Variants in CNBD1 observed in about 807,000 individuals in gnomAD.
CNBD1 encodes cyclic nucleotide binding domain containing 1, also known as cyclic nucleotide-binding domain-containing protein 1.
A neutral mutation model predicts 54.4 loss-of-function variants in CNBD1; 71 were observed. The ratio of observed to expected loss-of-function variants is 1.30; its 90% CI spans 1.08 to 1.59. The LOEUF (loss-of-function observed/expected upper bound fraction) is 1.59. Ranked by LOEUF, CNBD1 falls within the 40% of genes most tolerant of loss-of-function variation. The pLI is 0.00. For synonymous variants in CNBD1, 182 were observed against 170.7 expected (o/e 1.07, Z -0.51); for missense variants, 659 against 518.0 (o/e 1.27, Z -2.64).
rs1471814861 is a variant in CNBD1 at position 87,156,015 on chromosome 8, C to T, written c.432-49978C>T. The stretch of plus-strand genomic sequence containing the variant: ...GGGAAAACAGACGGACTAGAAATGG[C>T]ATCCTAGGAACACTAACATTTACGG... On this transcript the variant is annotated intron_variant, in intron 4 of 10. Transcript: ENST00000518476. 4.6e-5 allele frequency among the ~76,000 whole-genome samples: 7 copies of T among 151,904 alleles called. No individual in the cohort carries two copies. In the East Asian group the frequency reaches 1.4e-3, roughly 30 times the overall value.
chr8:87,349,299 G>A (rs539830497), intron 8 of CNBD1, among the ~76,000 whole-genome samples: 5 of 152,174 alleles, frequency 3.3e-5, no homozygotes, highest in African/African-American at 1.2e-4. Flanking sequence ...CAACAATCAG[G>A]GTAGGGAGTA....
At chr8:87,392,520 G>T (rs1811329054) in intron 2 of CNBD1, among the ~76,000 whole-genome samples, 1 of 151,956 alleles carries the variant, frequency 6.6e-6, no homozygotes, top group Non-Finnish European at 1.5e-5. Context: ...GATGAACCTT[G>T]AAAACTTTTT....
chr8:87,315,012 T>C (rs1809353617), intron 8 of CNBD1, among the ~76,000 whole-genome samples: 1 of 152,100 alleles, frequency 6.6e-6, no homozygotes, highest in Non-Finnish European at 1.5e-5. Context: ...ATATTGATTC[T>C]AATGTCTACA....
At chr8:87,380,123 A>G (rs1056521594) in intron 10 of CNBD1, among the ~76,000 whole-genome samples, 48 of 152,102 alleles carry the variant, frequency 3.2e-4, no homozygotes, top group African/African-American at 1.1e-3. Context: ...ATACACAAAC[A>G]AGAGTATTTA....
intron 4 of CNBD1, among the ~76,000 whole-genome samples, chr8:87,000,904 G>A (rs1378002172): frequency 6.6e-6 from 1 of 151,878 alleles, no homozygotes; most frequent in Non-Finnish European, 1.5e-5. Flanking sequence ...TCTCAATATT[G>A]AGCATTATAA....
chr8:87,144,172 T>C lies in CNBD1; in HGVS notation c.432-61821T>C, dbSNP rs547284892. On this transcript the variant is annotated intron_variant, in intron 4 of 10. Transcript: ENST00000518476. ...AATTCCTACGTTAAGCTTGGAACCT[T>C]GAAGGGACAAAAGTGTTCTCCGGTT... 3.0e-3 allele frequency among the ~76,000 whole-genome samples: 461 copies of C among 152,308 alleles called. 2 individuals carry two copies. Among genetic ancestry groups the C allele is most frequent in the African/African-American group, 0.011 (445 of 41,590 alleles).
At chr8:87,321,796 T>C (rs1809540669) in intron 8 of CNBD1, among the ~76,000 whole-genome samples, 1 of 151,412 alleles carries the variant, frequency 6.6e-6, no homozygotes, top group African/African-American at 2.4e-5. Context: ...TTTTTCTTTT[T>C]CTTTTTCTTT....
At chr8:87,425,501 T>G (rs1228852382) in intron 2 of CNBD1, among the ~76,000 whole-genome samples, 1 of 152,176 alleles carries the variant, frequency 6.6e-6, no homozygotes, top group Non-Finnish European at 1.5e-5. Context: ...GTTTTTGGTG[T>G]GGATGTCCTT....
At chr8:87,180,954 ATC>A (rs1813299542) in intron 4 of CNBD1, among the ~76,000 whole-genome samples, 1 of 152,198 alleles carries the variant, frequency 6.6e-6, no homozygotes, top group African/African-American at 2.4e-5. Context: ...ATGGGCCACC[ATC>A]TCTGCTGCAG....
chr8:86,926,358 G>T (rs988959904), intron 3 of CNBD1, among the ~76,000 whole-genome samples: 4 of 152,110 alleles, frequency 2.6e-5, no homozygotes, highest in South Asian at 2.1e-4. Context: ...GGTCGGTCCA[G>T]GTGTCCTCAG....
At chr8:86,987,572 C>G (rs1808636277) in intron 4 of CNBD1, among the ~76,000 whole-genome samples, 5 of 152,098 alleles carry the variant, frequency 3.3e-5, no homozygotes, top group Non-Finnish European at 5.9e-5. Context: ...GCTTCCTTGT[C>G]TTGTTCCAGT....
chr8:87,332,067 G>C (rs1166550734), intron 8 of CNBD1, among the ~76,000 whole-genome samples: 1 of 151,942 alleles, frequency 6.6e-6, no homozygotes, highest in Non-Finnish European at 1.5e-5. Context: ...TTAGTTTAAG[G>C]CTGGGCGTTG....
intron 4 of CNBD1, among the ~76,000 whole-genome samples, chr8:86,970,448 G>C (rs1808193770): frequency 6.6e-6 from 1 of 151,908 alleles, no homozygotes; most frequent in African/African-American, 2.4e-5. Flanking sequence ...CTCATTCACG[G>C]AGTTCTTTTT....
intron 4 of CNBD1, among the ~76,000 whole-genome samples, chr8:87,158,330 C>A (rs569448675): frequency 1.3e-5 from 2 of 152,214 alleles, no homozygotes; most frequent in Non-Finnish European, 2.9e-5. Flanking sequence ...CTACATAAAG[C>A]TCTTAGAACA....
At chr8:86,917,644 G>A (rs1000038971) in intron 3 of CNBD1, among the ~76,000 whole-genome samples, 1 of 152,150 alleles carries the variant, frequency 6.6e-6, no homozygotes, top group African/African-American at 2.4e-5. Flanking sequence ...AGAGAGTTAA[G>A]AGTGGATGCA....
chr8:87,284,917 A>C (rs1292648927), intron 7 of CNBD1, 102 bp downstream of exon 7: 8 of 865,124 alleles, frequency 9.2e-6, no homozygotes, highest in Non-Finnish European at 1.3e-5. Flanking sequence ...TTTATTTTTA[A>C]ATTTTAATTT....
At chr8:87,205,724 G>A (rs146228817) in intron 4 of CNBD1, among the ~76,000 whole-genome samples, 4 of 151,026 alleles carry the variant, frequency 2.6e-5, no homozygotes, top group Non-Finnish European at 5.9e-5. Flanking sequence ...TTAAAAAGAA[G>A]TTTTCTATTT....
At chr8:87,126,439 C>T (rs1811991092) in intron 4 of CNBD1, among the ~76,000 whole-genome samples, 1 of 151,934 alleles carries the variant, frequency 6.6e-6, no homozygotes, top group Non-Finnish European at 1.5e-5. Flanking sequence ...CCATCTGAAC[C>T]TTTTACTTGT....
intron 2 of CNBD1, among the ~76,000 whole-genome samples, chr8:87,393,609 A>C (rs11997326): frequency 0.98 from 149,215 of 151,916 alleles, 73,297 homozygotes; most frequent in East Asian, 1. Context: ...AATAAAAAGT[A>C]AGTGACAACC....
Sources: gnomAD v4.1 joint callset for allele counts (sites outside exome capture counted in the v4.1 genomes callset) on GRCh38, gnomAD v4.1.1 for gene constraint, MANE v1.5 for transcripts, NCBI Gene and HGNC (gene_info 2026-07-23, HGNC 2026-07-21) for gene names.